UNC5D: variants seen among roughly 807,000 people sequenced by gnomAD.
UNC5D encodes the protein unc-5 netrin receptor D.
A neutral mutation model predicts 105.4 loss-of-function variants in UNC5D; 39 were observed. The observed-to-expected ratio is 0.37, with a 90% CI of 0.29 to 0.48. The LOEUF (loss-of-function observed/expected upper bound fraction) is 0.48, where lower values mean the gene tolerates loss of function less well. UNC5D is among the 20% of genes least tolerant of loss of function. The pLI, the probability that UNC5D is intolerant of heterozygous loss-of-function variation, is 0.98. For missense variants in UNC5D, 991 were observed against 1,202.4 expected, an observed-to-expected ratio of 0.82 and a Z score of 2.60; for synonymous variants, 452 against 450.4, an observed-to-expected ratio of 1.00 and a Z score of -0.04.
intron 16 of UNC5D, among the ~76,000 whole-genome samples, chr8:35,789,590 T>C (rs373599313): frequency 2.0e-5 from 3 of 152,162 alleles, no homozygotes; most frequent in Admixed American, 6.5e-5. Flanking sequence ...ATTGCGTTTG[T>C]GGAGCTAGAG....
chr8:35,443,621 T>C (rs974238745), intron 1 of UNC5D, among the ~76,000 whole-genome samples: 3 of 151,964 alleles, frequency 2.0e-5, no homozygotes, highest in Non-Finnish European at 4.4e-5. Context: ...CTGCATCATT[T>C]CTATTTCAGA....
At chr8:35,453,885 G>C (rs1303622558) in intron 1 of UNC5D, among the ~76,000 whole-genome samples, 1 of 152,138 alleles carries the variant, frequency 6.6e-6, no homozygotes, top group African/African-American at 2.4e-5. Context: ...AGTGAAAGGG[G>C]CTGGATTTAT....
At chr8:35,580,918 A>C (rs1818437997) in intron 3 of UNC5D, among the ~76,000 whole-genome samples, 1 of 152,210 alleles carries the variant, frequency 6.6e-6, no homozygotes, top group Admixed American at 6.5e-5. Context: ...TAAAAAGTGT[A>C]GAGAGGGAAT....
chr8:35,629,662 C>A (rs1821918570), intron 4 of UNC5D, among the ~76,000 whole-genome samples: 2 of 152,138 alleles, frequency 1.3e-5, no homozygotes, highest in South Asian at 4.1e-4. Flanking sequence ...ACCCACGTAA[C>A]AATCATGTAC....
At chr8:35,295,920 C>T (rs183479175) in intron 1 of UNC5D, among the ~76,000 whole-genome samples, 1 of 152,244 alleles carries the variant, frequency 6.6e-6, no homozygotes, top group Admixed American at 6.5e-5. Context: ...TAGGATCATA[C>T]AGTATTTGTG....
intron 1 of UNC5D, among the ~76,000 whole-genome samples, chr8:35,272,027 A>G (rs1249357324): frequency 6.6e-6 from 1 of 152,006 alleles, no homozygotes; most frequent in African/African-American, 2.4e-5. Flanking sequence ...GGTGTAACAT[A>G]TGGTCATTCT....
chr8:35,235,964 T>G, intron 1 of UNC5D, 77 bp downstream of exon 1: 1 of 1,171,674 alleles, frequency 8.5e-7, no homozygotes, highest in African/African-American at 1.6e-5. Flanking sequence ...CCTGCACCGA[T>G]GGCGTTGGCT....
intron 1 of UNC5D, among the ~76,000 whole-genome samples, chr8:35,248,410 A>G (rs1333287342): frequency 2.1e-5 from 2 of 93,412 alleles, no homozygotes; most frequent in African/African-American, 9.2e-5. Context: ...TAGATATAAT[A>G]TATAAATATA....
chr8:35,409,577 A>G (rs1487146784), intron 1 of UNC5D, among the ~76,000 whole-genome samples: 2 of 151,576 alleles, frequency 1.3e-5, no homozygotes, highest in African/African-American at 2.4e-5. Context: ...TCTTTTGCTC[A>G]TTTTTAAATT....
At chr8:35,604,557 A>G (rs556233975) in intron 4 of UNC5D, among the ~76,000 whole-genome samples, 35 of 151,978 alleles carry the variant, frequency 2.3e-4, no homozygotes, top group African/African-American at 7.5e-4. Context: ...TCTTTGTGGC[A>G]TTCTCTGTAT....
intron 16 of UNC5D, among the ~76,000 whole-genome samples, chr8:35,790,105 C>T (rs529193902): frequency 6.6e-6 from 1 of 152,180 alleles, no homozygotes; most frequent in South Asian, 2.1e-4. Flanking sequence ...CAGAGCAAGA[C>T]CCTGTATCTA....
At chr8:35,528,491 A>C (rs1334889462) in intron 1 of UNC5D, among the ~76,000 whole-genome samples, 1 of 146,310 alleles carries the variant, frequency 6.8e-6, no homozygotes, top group Non-Finnish European at 1.5e-5. Context: ...ATTGTGAATA[A>C]TGCCGCAATA....
intron 1 of UNC5D, chr8:35,544,485 G>A (rs781061721): frequency 6.2e-7 from 1 of 1,613,668 alleles, no homozygotes; most frequent in South Asian, 1.1e-5. Context: ...AGTGATGTCT[G>A]TGCTGGGACT....
At chr8:35,641,520 A>T (rs1170414910) in intron 4 of UNC5D, among the ~76,000 whole-genome samples, 1 of 152,118 alleles carries the variant, frequency 6.6e-6, no homozygotes, top group African/African-American at 2.4e-5. Flanking sequence ...GTGAGAATAC[A>T]TAGAGCCTTC....
intron 1 of UNC5D, among the ~76,000 whole-genome samples, chr8:35,546,184 G>A (rs930735345): frequency 1.3e-5 from 2 of 152,140 alleles, no homozygotes; most frequent in Non-Finnish European, 2.9e-5. Context: ...GACATGAGTT[G>A]TGCCTGGCCT....
chr8:35,348,755 A>C (rs1295350271), intron 1 of UNC5D, among the ~76,000 whole-genome samples: 1 of 151,900 alleles, frequency 6.6e-6, no homozygotes, highest in East Asian at 1.9e-4. Flanking sequence ...AGATGTATAT[A>C]TCCTGGACTT....
In UNC5D at chr8:35,683,669, C is replaced by T. The variant is rs1825818844; in HGVS notation, c.693C>T (p.Cys231=). The T allele has an allele frequency of 1.9e-6, 3 of 1,567,296 alleles. No homozygotes were observed. The highest frequency in any genetic ancestry group is 1.7e-6 in the Non-Finnish European group (2 of 1,163,882). ...TCTCGGACTCAGGAAATTACACCTGCATGGCAGCCAACATCGTGGCTAAGA... is the reference window on the plus strand; with the variant it reads ...TCTCGGACTCAGGAAATTACACCTGTATGGCAGCCAACATCGTGGCTAAGA... ...ARLSDSGNYT[C]MAANIVAKRR... The change falls in exon 5 of 17, where the codon TGC becomes TGT. Residue 231 remains cysteine (C), a synonymous_variant. Transcript: ENST00000404895.
intron 1 of UNC5D, among the ~76,000 whole-genome samples, chr8:35,368,304 A>G (rs1414417342): frequency 6.6e-6 from 1 of 152,132 alleles, no homozygotes; most frequent in African/African-American, 2.4e-5. Flanking sequence ...ATTTTGCAGT[A>G]TTTGCCACCC....
intron 5 of UNC5D, 118 bp from the exon 6 acceptor site, chr8:35,684,464 C>CA: frequency 8.0e-7 from 1 of 1,243,830 alleles, no homozygotes; most frequent in South Asian, 1.6e-5. Flanking sequence ...GGGGGCTGCA[C>CA]AGTCTCTCGG....
Sources: gnomAD v4.1 joint callset for allele counts (sites outside exome capture counted in the v4.1 genomes callset) on GRCh38, gnomAD v4.1.1 for gene constraint, MANE v1.5 for transcripts, NCBI Gene and HGNC (gene_info 2026-07-23, HGNC 2026-07-21) for gene names.